Variants in NFKB1 observed in about 807,000 individuals in gnomAD.
The protein encoded by NFKB1 is nuclear factor kappa B subunit 1.
In NFKB1, 9 loss-of-function variants were observed where a neutral mutation model predicts 105.1. The ratio of observed to expected loss-of-function variants is 0.09; its 90% CI spans 0.05 to 0.15. The LOEUF (loss-of-function observed/expected upper bound fraction) is 0.15. Among genes scored for constraint, NFKB1 ranks in the 10% least tolerant of loss-of-function variants. NFKB1 has a pLI of 1.00. For missense variants in NFKB1, 830 were observed against 1,203.7 expected, an observed-to-expected ratio of 0.69 and a Z score of 4.59; for synonymous variants, 440 against 442.2, an observed-to-expected ratio of 1.00 and a Z score of 0.06.
At chr4:102,511,764 A>G (rs1739798094) in intron 1 of NFKB1, among the ~76,000 whole-genome samples, 2 of 152,222 alleles carry the variant, frequency 1.3e-5, no homozygotes, top group Non-Finnish European at 2.9e-5. Context: ...AAGTACACAA[A>G]TATTAATGCT....
At chr4:102,550,142 C>G (rs1560663747) in intron 5 of NFKB1, among the ~76,000 whole-genome samples, 1 of 152,008 alleles carries the variant, frequency 6.6e-6, no homozygotes, top group Non-Finnish European at 1.5e-5. Flanking sequence ...GTACTATAAG[C>G]CATTCCTGTC....
chr4:102,547,368 C>A (rs1467488009), intron 5 of NFKB1, among the ~76,000 whole-genome samples: 3 of 152,154 alleles, frequency 2.0e-5, no homozygotes, highest in South Asian at 4.1e-4. Context: ...AGAGGTATTA[C>A]AACTGCAGAT....
Position 102,610,556 on chromosome 4 carries a change from G to A in NFKB1, c.2228-19G>A, listed in dbSNP as rs746508816. On this transcript the variant is annotated intron_variant, in intron 19 of 23. Coordinates refer to ENST00000226574, the MANE Select transcript of NFKB1 (RefSeq NM_003998.4). ...ACAAGATCTGGGTTTACCTAATGCT[G>A]TGTAATCTAACTTCGCAGGAGCAGA... 6.2e-7 allele frequency: 1 copy of A among 1,613,138 alleles called. No individual in the cohort carries two copies. The highest frequency in any genetic ancestry group is 8.5e-7 in the Non-Finnish European group (1 of 1,179,424).
rs1412434365 is a variant in NFKB1, at chr4:102,606,539, T to C, written c.1796T>C (p.Val599Ala). The C allele has an allele frequency of 6.2e-7, 1 of 1,614,080 alleles. No homozygotes were observed. ...GTGATCACTAAGCAGGAAGATGTGG[T>C]GGAGGATTTGCTGAGGGCTGGGGCC... The part of the protein sequence containing the change: ...LAVITKQEDV[V>A]EDLLRAGADL... Residue 599 changes from valine (V) to alanine (A), a missense_variant, in exon 17 of 24, where the codon GTG (valine) becomes GCG (alanine). Val to Ala is a moderately conservative substitution (Grantham distance 64). Transcript: ENST00000226574.
chr4:102,530,762 T>A (rs930717041), intron 3 of NFKB1, among the ~76,000 whole-genome samples: 4 of 152,236 alleles, frequency 2.6e-5, no homozygotes, highest in Non-Finnish European at 5.9e-5. Context: ...ACTACAGTAC[T>A]TACTTTTCTT....
chr4:102,615,533 G>C (rs1183497526), intron 23 of NFKB1, among the ~76,000 whole-genome samples: 2 of 152,202 alleles, frequency 1.3e-5, no homozygotes, highest in Non-Finnish European at 2.9e-5. Context: ...AAACAACCCA[G>C]ATCTCCTGAG....
At chr4:102,606,822 T>C (rs1727792514) in intron 17 of NFKB1, 125 bp downstream of exon 17, 33 of 1,036,274 alleles carry the variant, frequency 3.2e-5, no homozygotes, top group Non-Finnish European at 4.6e-5. Context: ...CTGGAGTTCA[T>C]CATCTCTTTT....
intron 15 of NFKB1, 23 bp downstream of exon 15, chr4:102,597,684 T>C: frequency 6.2e-7 from 1 of 1,600,566 alleles, no homozygotes; most frequent in Non-Finnish European, 8.5e-7. Flanking sequence ...TTTTGCATGA[T>C]AGGTTGTCCT....
At chr4:102,536,044 T>A (rs1741614233) in intron 4 of NFKB1, among the ~76,000 whole-genome samples, 2 of 152,154 alleles carry the variant, frequency 1.3e-5, no homozygotes, top group Non-Finnish European at 2.9e-5. Context: ...CAGTGTTAAT[T>A]AACTAATACT....
Position 102,535,071 on chromosome 4 carries a change from G to A in NFKB1, c.159+1186G>A, listed in dbSNP as rs951431529. On this transcript the variant is annotated intron_variant, in intron 4 of 23. Transcript: ENST00000226574. ...CAGGTGTCACATCCTGACTCCTCAGGTTGCCAGTAACACTCCATTGCTCTA... is the reference window on the plus strand; with the variant it reads ...CAGGTGTCACATCCTGACTCCTCAGATTGCCAGTAACACTCCATTGCTCTA... Among the ~76,000 whole-genome samples, 4 of 152,124 alleles carry A rather than the reference G, an allele frequency of 2.6e-5. No homozygotes were observed. In the East Asian group the frequency reaches 7.7e-4, roughly 29 times the overall value.
intron 1 of NFKB1, among the ~76,000 whole-genome samples, chr4:102,524,365 A>T (rs1349265406): frequency 6.6e-6 from 1 of 151,966 alleles, no homozygotes; most frequent in Non-Finnish European, 1.5e-5. Flanking sequence ...AAGGACTTTT[A>T]TTTTTGTATT....
chr4:102,519,437 A>G (rs1419318530), intron 1 of NFKB1, among the ~76,000 whole-genome samples: 1 of 149,936 alleles, frequency 6.7e-6, no homozygotes, highest in Non-Finnish European at 1.5e-5. Context: ...GAGTATAGAC[A>G]TGGTTCAGGG....
rs980758046 is a variant in NFKB1, at chr4:102,531,714, T to C, written c.118+1800T>C. On this transcript the variant is annotated intron_variant, in intron 3 of 23. Transcript: ENST00000226574. Reference sequence around the variant, plus strand: ...AATCTAATTTTCTAGTTGATTTAACTTTAATGTGTTGCCTGAAAGAGGAAA... The same window carrying C: ...AATCTAATTTTCTAGTTGATTTAACCTTAATGTGTTGCCTGAAAGAGGAAA... 6.6e-5 allele frequency among the ~76,000 whole-genome samples: 10 copies of C among 152,132 alleles called. No individual in the cohort carries two copies. The East Asian group carries it at 1.9e-3, about 29-fold the overall frequency.
In NFKB1 at chr4:102,576,958, A is replaced by T; in HGVS notation, c.490A>T (p.Arg164Trp). 1 of 1,613,982 alleles carries T rather than the reference A, an allele frequency of 6.2e-7. No homozygotes were observed. Among genetic ancestry groups the T allele is most frequent in the Non-Finnish European group, 8.5e-7 (1 of 1,179,954 alleles). ...AGCACGAATGACAGAGGCGTGTATA[A>T]GGGGCTATAATCCTGGACTCTTGGT... ...LEARMTEACI[R>W]GYNPGLLVHP... The change falls in exon 7 of 24, where the codon AGG becomes TGG. Residue 164 changes from arginine to tryptophan, a missense_variant. This residue lies in a region of NFKB1 where 80 missense variants were observed against 122.6 expected (regional missense o/e 0.65). Transcript: ENST00000226574.
intron 1 of NFKB1, among the ~76,000 whole-genome samples, chr4:102,520,504 TGTATTTG>T (rs763170301): frequency 6.6e-5 from 10 of 152,180 alleles, no homozygotes; most frequent in Non-Finnish European, 1.2e-4. Flanking sequence ...CCAAGCACAA[TGTATTTG>T]GTATATCAGG....
intron 1 of NFKB1, among the ~76,000 whole-genome samples, chr4:102,506,166 A>G (rs1461463223): frequency 6.6e-6 from 1 of 152,212 alleles, no homozygotes; most frequent in Non-Finnish European, 1.5e-5. Context: ...AAGTAATTGG[A>G]ATGATAAAAG....
At chr4:102,538,257 T>G (rs1741768249) in intron 5 of NFKB1, among the ~76,000 whole-genome samples, 1 of 152,194 alleles carries the variant, frequency 6.6e-6, no homozygotes, top group African/African-American at 2.4e-5. Context: ...AGTAAGTCTT[T>G]GAAAGAAATG....
At chr4:102,522,006 T>C (rs1478719317) in intron 1 of NFKB1, among the ~76,000 whole-genome samples, 1 of 152,178 alleles carries the variant, frequency 6.6e-6, no homozygotes, top group Non-Finnish European at 1.5e-5. Context: ...ATTAGTCCCA[T>C]CTTCTCCCCT....
chr4:102,604,017 G>A (rs1189715074), intron 16 of NFKB1, among the ~76,000 whole-genome samples: 1 of 152,034 alleles, frequency 6.6e-6, no homozygotes, highest in Non-Finnish European at 1.5e-5. Flanking sequence ...AGGGTTTTAT[G>A]TATTTTTATG....
Sources: gnomAD v4.1 joint callset for allele counts (sites outside exome capture counted in the v4.1 genomes callset) on GRCh38, gnomAD v4.1.1 for gene constraint, gnomAD v4.1.1 regional missense constraint, MANE v1.5 for transcripts, NCBI Gene and HGNC (gene_info 2026-07-23, HGNC 2026-07-21) for gene names.